The following MPPED2 variants were observed in gnomAD, a reference collection of about 807,000 sequenced individuals.
MPPED2 encodes metallophosphoesterase MPPED2.
In MPPED2, 5 loss-of-function variants were observed where a neutral mutation model predicts 33.0. The ratio of observed to expected loss-of-function variants is 0.15; its 90% CI spans 0.08 to 0.32. MPPED2 has a LOEUF of 0.32. Among genes scored for constraint, MPPED2 ranks in the 10% least tolerant of loss-of-function variants. The pLI is 1.00. For missense variants in MPPED2, 275 were observed against 372.1 expected (o/e 0.74, Z 2.15); for synonymous variants, 136 against 141.9 (o/e 0.96, Z 0.29).
intron 3 of MPPED2, among the ~76,000 whole-genome samples, chr11:30,503,913 T>G (rs1952685356): frequency 6.6e-6 from 1 of 152,188 alleles, no homozygotes; most frequent in Non-Finnish European, 1.5e-5. Context: ...GGGCACAGCC[T>G]TCAGGCTCAC....
chr11:30,582,990 A>G (rs1957239185), intron 1 of MPPED2, among the ~76,000 whole-genome samples: 2 of 152,198 alleles, frequency 1.3e-5, no homozygotes, highest in South Asian at 4.1e-4. Flanking sequence ...AGACTGAGGC[A>G]GAGAGCTTCA....
chr11:30,430,219 A>G (rs942825231), intron 4 of MPPED2, among the ~76,000 whole-genome samples: 26 of 152,306 alleles, frequency 1.7e-4, no homozygotes, highest in Non-Finnish European at 3.2e-4. Flanking sequence ...TGGATTAGAC[A>G]TATCACAGGC....
At chr11:30,514,538 C>T (rs988636539) in intron 3 of MPPED2, among the ~76,000 whole-genome samples, 2 of 152,068 alleles carry the variant, frequency 1.3e-5, no homozygotes, top group African/African-American at 4.8e-5. Flanking sequence ...GACTAAATTC[C>T]TTGTTTCTTA....
At chr11:30,457,320 TAAAAGCTCA>T (rs1950319767) in intron 4 of MPPED2, among the ~76,000 whole-genome samples, 1 of 144,782 alleles carries the variant, frequency 6.9e-6, no homozygotes. Context: ...GCCCGTACTA[TAAAAGCTCA>T]AAAAGAGCTT....
At chr11:30,500,996 C>G (rs1952533821) in intron 3 of MPPED2, among the ~76,000 whole-genome samples, 1 of 152,224 alleles carries the variant, frequency 6.6e-6, no homozygotes, top group African/African-American at 2.4e-5. Context: ...CCCCAACATC[C>G]AGTCTAGCCG....
chr11:30,479,676 T>C (rs1446453798), intron 4 of MPPED2, among the ~76,000 whole-genome samples: 1 of 152,144 alleles, frequency 6.6e-6, no homozygotes, highest in East Asian at 1.9e-4. Flanking sequence ...TTTCCATTTT[T>C]AAAATCTGAT....
intron 4 of MPPED2, among the ~76,000 whole-genome samples, chr11:30,462,854 A>G (rs952807949): frequency 2.0e-5 from 3 of 152,242 alleles, no homozygotes; most frequent in African/African-American, 7.2e-5. Flanking sequence ...TATTTGATGA[A>G]TGGAAAGTTT....
In MPPED2 at chr11:30,501,058, A is replaced by G. The variant is rs566242120; in HGVS notation, c.311-5537T>C. On this transcript the variant is annotated intron_variant, in intron 3 of 6. Coordinates refer to ENST00000358117, the MANE Select transcript of MPPED2 (RefSeq NM_001584.3). ...CAGTTTTCTCAGATATAAATAGGGT[A>G]AAAATAAAATACTGCTTCTAAAGTA... Among the ~76,000 whole-genome samples, 40 of 152,368 alleles carry G rather than the reference A, an allele frequency of 2.6e-4. 1 individual carries two copies. The South Asian group carries it at 7.7e-3, about 29-fold the overall frequency.
At chr11:30,517,684 C>T (rs991695365) in intron 3 of MPPED2, among the ~76,000 whole-genome samples, 9 of 151,942 alleles carry the variant, frequency 5.9e-5, no homozygotes, top group African/African-American at 1.9e-4. Flanking sequence ...AGGGAAAGAG[C>T]TTGTCCTGTA....
intron 5 of MPPED2, among the ~76,000 whole-genome samples, chr11:30,414,793 C>G (rs1212364071): frequency 6.6e-6 from 1 of 152,182 alleles, no homozygotes; most frequent in African/African-American, 2.4e-5. Context: ...AGATACCCAG[C>G]TCTCTTTAGA....
At chr11:30,524,946 C>T (rs1038749630) in intron 3 of MPPED2, among the ~76,000 whole-genome samples, 1 of 152,020 alleles carries the variant, frequency 6.6e-6, no homozygotes, top group African/African-American at 2.4e-5. Flanking sequence ...AAGATAAAAC[C>T]AGCACTCCAT....
intron 4 of MPPED2, among the ~76,000 whole-genome samples, chr11:30,438,244 T>C (rs1333899319): frequency 6.6e-6 from 1 of 152,126 alleles, no homozygotes; most frequent in Non-Finnish European, 1.5e-5. Context: ...GTGTGGTGAG[T>C]GAGCATGGAG....
At chr11:30,545,000 T>C (rs1955332723) in intron 2 of MPPED2, among the ~76,000 whole-genome samples, 1 of 152,116 alleles carries the variant, frequency 6.6e-6, no homozygotes. Flanking sequence ...ACTTAGCATG[T>C]TCAGGGACTT....
intron 4 of MPPED2, among the ~76,000 whole-genome samples, chr11:30,425,039 T>TA (rs1403857862): frequency 6.6e-6 from 1 of 152,194 alleles, no homozygotes; most frequent in South Asian, 2.1e-4. Context: ...TACGACTTTG[T>TA]AGCTTGGTCT....
At chr11:30,576,117 T>C (rs1956919617) in intron 2 of MPPED2, among the ~76,000 whole-genome samples, 1 of 152,230 alleles carries the variant, frequency 6.6e-6, no homozygotes, top group Admixed American at 6.5e-5. Flanking sequence ...TGTAATACTG[T>C]TTCATCCTTC....
chr11:30,520,516 T>A (rs79982195), intron 3 of MPPED2, among the ~76,000 whole-genome samples: 3,575 of 152,332 alleles, frequency 0.023, 73 homozygotes, highest in Admixed American at 0.057. Context: ...TTCTTTTCAC[T>A]TTTTATTACC....
chr11:30,580,147 T>G, intron 2 of MPPED2, 99 bp downstream of exon 2: 2 of 1,208,180 alleles, frequency 1.7e-6, no homozygotes, highest in Non-Finnish European at 2.4e-6. Flanking sequence ...ATCATTTACC[T>G]TTTAGTCTCC....
chr11:30,572,312 G>T (rs961338216), intron 2 of MPPED2, among the ~76,000 whole-genome samples: 1 of 152,116 alleles, frequency 6.6e-6, no homozygotes, highest in Non-Finnish European at 1.5e-5. Context: ...TTTAATGCTT[G>T]AGTGCAAACA....
intron 2 of MPPED2, among the ~76,000 whole-genome samples, chr11:30,545,154 C>T (rs979654157): frequency 1.3e-5 from 2 of 152,104 alleles, no homozygotes; most frequent in African/African-American, 4.8e-5. Flanking sequence ...ATCTTTCTCC[C>T]TCTACCCAGT....
Sources: gnomAD v4.1 joint callset for allele counts (sites outside exome capture counted in the v4.1 genomes callset) on GRCh38, gnomAD v4.1.1 for gene constraint, MANE v1.5 for transcripts, NCBI Gene and HGNC (gene_info 2026-07-23, HGNC 2026-07-21) for gene names.